The following RASSF3 variants were observed in gnomAD, a reference collection of about 807,000 sequenced individuals.
RASSF3 encodes Ras association domain family member 3.
In RASSF3, 19 loss-of-function variants were observed where a neutral mutation model predicts 19.9. The observed-to-expected ratio is 0.96, with a 90% CI of 0.67 to 1.40. The LOEUF (loss-of-function observed/expected upper bound fraction) is 1.40, where lower values mean the gene tolerates loss of function less well. Ranked by LOEUF, RASSF3 falls within the 40% of genes most tolerant of loss-of-function variation. RASSF3 has a pLI of 0.00. For missense variants in RASSF3, 306 were observed against 289.8 expected, an observed-to-expected ratio of 1.06 and a Z score of -0.41; for synonymous variants, 110 against 104.2, an observed-to-expected ratio of 1.06 and a Z score of -0.34.
intron 1 of RASSF3, among the ~76,000 whole-genome samples, chr12:64,619,979 CAA>C (rs67795096): frequency 2.5e-4 from 26 of 102,092 alleles, no homozygotes; most frequent in African/African-American, 2.0e-4. Context: ...GACTTTATAT[CAA>C]AAAAAAAAAA....
At chr12:64,643,527 A>C (rs933532291) in intron 1 of RASSF3, among the ~76,000 whole-genome samples, 2 of 152,026 alleles carry the variant, frequency 1.3e-5, no homozygotes, top group African/African-American at 4.8e-5. Flanking sequence ...CAGCCTGGGC[A>C]ACCTAGTGAG....
rs1045505520 is a variant in RASSF3, at chr12:64,569,056, A to G, written c.294+27351A>G. ...ATCCTCTCACTGAAGTAGCCAGGTC[A>G]ACTAGGGAGTCTCAAAGTAGTATGA... On this transcript the variant is annotated intron_variant, in intron 2 of 5. Coordinates refer to the RASSF3 transcript ENST00000637125. 9.2e-5 allele frequency among the ~76,000 whole-genome samples: 14 copies of G among 152,306 alleles called. No individual in the cohort carries two copies. The South Asian group carries it at 1.0e-3, about 11-fold the overall frequency.
At position 64,635,760 on chromosome 12, in the gene RASSF3, G is replaced by A. The variant is rs201630258; in HGVS notation, c.111+25017G>A. 1.1e-4 allele frequency among the ~76,000 whole-genome samples: 17 copies of A among 152,240 alleles called. No homozygotes were observed. In the East Asian group the frequency reaches 1.4e-3, roughly 12 times the overall value. On this transcript the variant is annotated intron_variant, in intron 1 of 4. Coordinates refer to ENST00000542104, the MANE Select transcript of RASSF3 (RefSeq NM_178169.4). ...GACTGTTGTGTTATTGAAGATGAGG[G>A]GATGAGGACTTTGTGCATGTGTGTG...
At chr12:64,574,120 T>C (rs1350710458) in intron 2 of RASSF3, among the ~76,000 whole-genome samples, 1 of 151,016 alleles carries the variant, frequency 6.6e-6, no homozygotes, top group African/African-American at 2.4e-5. Flanking sequence ...CTGGCCAACA[T>C]GGTGAAAGCC....
chr12:64,509,365 G>A (rs11175424), intron 1 of RASSF3, among the ~76,000 whole-genome samples: 20,920 of 151,826 alleles, frequency 0.14, 1,875 homozygotes, highest in East Asian at 0.35. Flanking sequence ...CAGAAGAATC[G>A]CTTGAGCCCA....
Position 64,696,118 on chromosome 12 carries a change from C to CCTCCCTCCCTCACTCCCTCCCTCCCTCA in RASSF3, c.*1210_*1211insCTCCCTCACTCCCTCCCTCCCTCACTCC, listed in dbSNP as rs1175074464. The CCTCCCTCCCTCACTCCCTCCCTCCCTCA allele has an allele frequency of 1.2e-4, 11 of 89,830 alleles. No individual in the cohort carries two copies. Among genetic ancestry groups the CCTCCCTCCCTCACTCCCTCCCTCCCTCA allele is most frequent in the African/African-American group, 5.4e-4 (11 of 20,408 alleles). The allele number at this position is 89,830 out of a possible 1,614,324, so 5.6% of individuals were successfully genotyped here. A position where few individuals can be genotyped will look rare whatever the true frequency, so the allele number is the denominator to read the frequency against. ...CCCTCCCTCCCTCCCTCCCTCCCTC[C>CCTCCCTCCCTCACTCCCTCCCTCCCTCA]CTCCTTCCCTCCCTCTCTCTCCCTC... On this transcript the variant is annotated 3_prime_UTR_variant, in exon 5 of 5. Coordinates refer to ENST00000542104, the MANE Select transcript of RASSF3 (RefSeq NM_178169.4).
At chr12:64,691,009 C>T (rs866826579) in intron 3 of RASSF3, among the ~76,000 whole-genome samples, 14 of 151,920 alleles carry the variant, frequency 9.2e-5, no homozygotes, top group East Asian at 1.9e-4. Flanking sequence ...TACAGGTGCC[C>T]GCCACCACGC....
In RASSF3 at chr12:64,548,945, C is replaced by T. The variant is rs914305300; in HGVS notation, c.294+7240C>T. On this transcript the variant is annotated intron_variant, in intron 2 of 5. Transcript: ENST00000637125. ...TGTAAGCCCTTGATCTGGTCTTTCT[C>T]AGAGGATGTGGACTTCACAATCAAT... Among the ~76,000 whole-genome samples the T allele has an allele frequency of 2.6e-5, 4 of 152,202 alleles. No homozygotes were observed. The East Asian group carries it at 7.7e-4, about 29-fold the overall frequency.
intron 1 of RASSF3, among the ~76,000 whole-genome samples, chr12:64,651,817 C>A (rs1403253944): frequency 6.6e-6 from 1 of 152,084 alleles, no homozygotes; most frequent in Non-Finnish European, 1.5e-5. Context: ...TGCACGCCAC[C>A]ACACCTGGCT....
chr12:64,659,154 C>T (rs1872257173), intron 1 of RASSF3, among the ~76,000 whole-genome samples: 1 of 152,176 alleles, frequency 6.6e-6, no homozygotes, highest in Non-Finnish European at 1.5e-5. Flanking sequence ...TTCCATGGTC[C>T]TGCCTGTGTT....
rs533504704 is a variant in RASSF3, at chr12:64,681,206, A to G, written c.112-3581A>G. Among the ~76,000 whole-genome samples, 4 of 152,168 alleles carry G rather than the reference A, an allele frequency of 2.6e-5. No homozygotes were observed. In the South Asian group the frequency reaches 8.3e-4, roughly 32 times the overall value. On this transcript the variant is annotated intron_variant, in intron 1 of 4. Coordinates refer to ENST00000542104, the MANE Select transcript of RASSF3 (RefSeq NM_178169.4). ...ACGTGAGTGGTAGTAAGCCCCTAGG[A>G]TGTATGTATGCTGCTGTGTATGTGC...
intron 1 of RASSF3, among the ~76,000 whole-genome samples, chr12:64,509,503 C>T (rs1352439328): frequency 6.6e-6 from 1 of 152,100 alleles, no homozygotes; most frequent in African/African-American, 2.4e-5. Context: ...ATACCTTAAC[C>T]TCCCAAAACT....
intron 1 of RASSF3, among the ~76,000 whole-genome samples, chr12:64,681,811 G>A (rs535704433): frequency 6.6e-6 from 1 of 152,138 alleles, no homozygotes; most frequent in East Asian, 1.9e-4. Flanking sequence ...CCAGGAGTTC[G>A]AGAGCAGCCT....
rs879703990 is a variant in RASSF3 at position 64,574,310 on chromosome 12, TA to T, written c.294+32620del. 7.3e-3 allele frequency among the ~76,000 whole-genome samples: 985 copies of T among 135,276 alleles called. 2 individuals carry two copies. Among genetic ancestry groups the T allele is most frequent in the African/African-American group, 9.8e-3 (362 of 36,878 alleles). 88.7% of individuals were successfully genotyped at this position (135,276 alleles called of 152,430 possible). On this transcript the variant is annotated intron_variant, in intron 2 of 5. Transcript: ENST00000637125. ...TGGGCGACAGAGCGAGACTCTGTCTTAAAAAAAAAAAAAAAGAAATATTTGA... is the reference window on the plus strand; with the variant it reads ...TGGGCGACAGAGCGAGACTCTGTCTTAAAAAAAAAAAAAAGAAATATTTGA...
intron 1 of RASSF3, among the ~76,000 whole-genome samples, chr12:64,533,800 C>G (rs911701872): frequency 6.6e-6 from 1 of 152,210 alleles, no homozygotes; most frequent in African/African-American, 2.4e-5. Flanking sequence ...CAGGAAGCAA[C>G]AGAAAATGCA....
At chr12:64,585,531 G>T (rs535557010) in intron 2 of RASSF3, among the ~76,000 whole-genome samples, 28 of 151,894 alleles carry the variant, frequency 1.8e-4, no homozygotes, top group Middle Eastern at 3.4e-3. Flanking sequence ...TGAGTGAAGA[G>T]GGGGGAAAAT....
At chr12:64,555,252 A>T (rs1463848200) in intron 2 of RASSF3, among the ~76,000 whole-genome samples, 5 of 151,820 alleles carry the variant, frequency 3.3e-5, no homozygotes, top group Admixed American at 6.6e-5. Context: ...AAAAAAAAAA[A>T]TTTGATTCTA....
chr12:64,627,269 C>G (rs369214859), intron 1 of RASSF3, among the ~76,000 whole-genome samples: 36 of 152,310 alleles, frequency 2.4e-4, no homozygotes, highest in Admixed American at 5.9e-4. Context: ...TTCTCCATCT[C>G]TTCTATGTCT....
intron 2 of RASSF3, among the ~76,000 whole-genome samples, chr12:64,588,163 A>G (rs138623409): frequency 3.7e-3 from 570 of 152,074 alleles, no homozygotes; most frequent in African/African-American, 0.012. Context: ...TGCAATCTCC[A>G]CCTACTTGGC....
Sources: allele counts gnomAD v4.1 joint callset (sites outside exome capture counted in the v4.1 genomes callset), GRCh38; gene constraint gnomAD v4.1.1; transcripts MANE v1.5; gene names NCBI Gene and HGNC (gene_info 2026-07-23, HGNC 2026-07-21).